Variants in UQCRB observed in about 807,000 individuals in gnomAD.
UQCRB encodes cytochrome b-c1 complex subunit 7.
A neutral mutation model predicts 19.8 loss-of-function variants in UQCRB; 12 were observed. The ratio of observed to expected loss-of-function variants is 0.61; its 90% CI spans 0.39 to 0.98. The LOEUF (loss-of-function observed/expected upper bound fraction) is 0.98, where lower values mean the gene tolerates loss of function less well. Among genes scored for constraint, UQCRB ranks in the 50% least tolerant of loss-of-function variants. The probability of loss-of-function intolerance (pLI) is 0.00; values close to 1 mark genes in which losing one functional copy is unlikely to be tolerated. For missense variants in UQCRB, 142 were observed against 131.8 expected, an observed-to-expected ratio of 1.08 and a Z score of -0.38; for synonymous variants, 39 against 42.9, an observed-to-expected ratio of 0.91 and a Z score of 0.35.
rs1374823719 is a variant in UQCRB, at chr8:96,229,394, C to T, written c.*1661G>A. 4.4e-6 allele frequency: 2 copies of T among 453,968 alleles called. No individual in the cohort carries two copies. Among genetic ancestry groups the T allele is most frequent in the Admixed American group, 4.7e-5 (2 of 42,556 alleles). 28.1% of individuals were successfully genotyped at this position (453,968 alleles called of 1,614,324 possible). The stretch of plus-strand genomic sequence containing the variant: ...TCTAGGGTCAGAGCCCAGCCTCCCT[C>T]CACCCACCCGGCTCCCTACACACCT... On this transcript the variant is annotated 3_prime_UTR_variant, in exon 4 of 4. Coordinates refer to ENST00000287022, the MANE Select transcript of UQCRB (RefSeq NM_006294.5).
chr8:96,233,105 AC>A, intron 2 of UQCRB, 50 bp downstream of exon 2: 1 of 1,568,120 alleles, frequency 6.4e-7, no homozygotes, highest in Non-Finnish European at 8.7e-7. Flanking sequence ...AAAAAAAAAA[AC>A]AAAGAAACAA....
In UQCRB at chr8:96,228,406, A is replaced by G. The variant is rs1563534738; in HGVS notation, c.*2649T>C. ...CTAATCAAAGCTGTCATGCAGATCC[A>G]GTTCCACTCTTCTCATCTCCAGCAG... On this transcript the variant is annotated 3_prime_UTR_variant, in exon 4 of 4. Transcript: ENST00000287022. 1 of 454,084 alleles carries G rather than the reference A, an allele frequency of 2.2e-6. No homozygotes were observed. Among genetic ancestry groups the G allele is most frequent in the East Asian group, 7.0e-5 (1 of 14,386 alleles). The allele number at this position is 454,084 out of a possible 1,614,324, so 28.1% of individuals were successfully genotyped here.
At position 96,227,480 on chromosome 8, in the gene UQCRB, T is replaced by G. The variant is rs1235813048; in HGVS notation, c.*3575A>C. On this transcript the variant is annotated 3_prime_UTR_variant, in exon 4 of 4. Coordinates refer to ENST00000287022, the MANE Select transcript of UQCRB (RefSeq NM_006294.5). ...TTTCCTTGTTTTCCAAAGAGCAACCTGTCTTACTCACTTTCTAACCATCCC... is the reference window on the plus strand; with the variant it reads ...TTTCCTTGTTTTCCAAAGAGCAACCGGTCTTACTCACTTTCTAACCATCCC... 2.2e-6 allele frequency: 1 copy of G among 454,154 alleles called. No homozygotes were observed. Among genetic ancestry groups the G allele is most frequent in the Admixed American group, 2.3e-5 (1 of 42,584 alleles). The allele number at this position is 454,154 out of a possible 1,614,324, so 28.1% of individuals were successfully genotyped here.
chr8:96,234,388 C>T, intron 1 of UQCRB: 1 of 638,038 alleles, frequency 1.6e-6, no homozygotes. Context: ...GATTTATTTA[C>T]ATGTCTGTTA....
At position 96,235,422 on chromosome 8, in the gene UQCRB, T is replaced by A. The variant is rs1481837757; in HGVS notation, c.19+90A>T. ...TCCCTTCCGCGACAAACTTGGCCAC[T>A]TACAAAGAAGAGAGAAAACGGAGCA... On this transcript the variant is annotated intron_variant, in intron 1 of 3. Coordinates refer to ENST00000287022, the MANE Select transcript of UQCRB (RefSeq NM_006294.5). The A allele has an allele frequency of 1.9e-6, 3 of 1,590,890 alleles. No individual in the cohort carries two copies. The East Asian group carries it at 6.7e-5, about 36-fold the overall frequency.
Position 96,223,843 on chromosome 8 carries a change from T to A in UQCRB, c.*7212A>T, listed in dbSNP as rs975028054. 1.3e-5 allele frequency among the ~76,000 whole-genome samples: 2 copies of A among 152,214 alleles called. No individual in the cohort carries two copies. The highest frequency in any genetic ancestry group is 4.8e-5 in the African/African-American group (2 of 41,454). ...CATCTTTTTAGCACTGGCATTTACC[T>A]GCATTAAATTGTGTAGAAGAGTAAG... On this transcript the variant is annotated 3_prime_UTR_variant, in exon 4 of 4. Transcript: ENST00000287022.
Position 96,231,784 on chromosome 8 carries a change from T to C in UQCRB, c.248A>G (p.Lys83Arg). The C allele has an allele frequency of 6.2e-7, 1 of 1,614,216 alleles. No homozygotes were observed. Among genetic ancestry groups the C allele is most frequent in the East Asian group, 2.2e-5 (1 of 44,878 alleles). The change falls in exon 3 of 4, where the codon AAA becomes AGA. Residue 83 changes from lysine to arginine, a missense_variant. Physicochemically the swap from Lys to Arg is conservative, Grantham distance 26 (BLOSUM62 2). Around this residue, in one of 2 missense-constraint regions of UQCRB, gnomAD observed 132 missense variants for 107.5 expected, o/e 1.23. Transcript: ENST00000287022. ...ATAAAGCTGTGCTACCTCTTCATAT[T>C]TGGTCCACTGCTCTTTAGGCAAGAT... ...HQILPKEQWT[K>R]YEEENFYLEP...
chr8:96,231,172 C>G, intron 3 of UQCRB, 40 bp from the exon 4 acceptor site: 1 of 1,614,110 alleles, frequency 6.2e-7, no homozygotes, highest in Non-Finnish European at 8.5e-7. Flanking sequence ...CCATCACGTA[C>G]TGATATATCC....
chr8:96,228,300 G>T lies in UQCRB; in HGVS notation c.*2755C>A. On this transcript the variant is annotated 3_prime_UTR_variant, in exon 4 of 4. Transcript: ENST00000287022. ...ATTTTAAACTGTACAAAGCAAATTA[G>T]CAGGATTTGAATATTGGCAGTTTTA... 2.2e-6 allele frequency: 1 copy of T among 454,062 alleles called. No homozygotes were observed. The allele number at this position is 454,062 out of a possible 1,614,324, so 28.1% of individuals were successfully genotyped here.
chr8:96,231,338 G>T (rs1159579173), intron 3 of UQCRB: 1 of 1,547,912 alleles, frequency 6.5e-7, no homozygotes, highest in Admixed American at 2.0e-5. Context: ...TTATGAGGGG[G>T]AAGTCTTTTC....
At position 96,231,121 on chromosome 8, in the gene UQCRB, G is replaced by T. The variant is rs1809661279; in HGVS notation, c.270C>A (p.Tyr90Ter). ...TAACCTCTTTCAGATACGGTTCAAG[G>T]TAGAAATTTTCCTAAAGAATGAATG... ...QWTKYEEENFYLEPYLKEVIR... is the reference protein window; with the variant it reads ...QWTKYEEENF Residue 90 changes from tyrosine (Y) to a stop codon, truncating the protein, a stop_gained, in exon 4 of 4, where the codon TAC (tyrosine) becomes TAA (stop). Transcript: ENST00000287022. LOFTEE classifies it high-confidence loss of function. 1 of 1,613,862 alleles carries T rather than the reference G, an allele frequency of 6.2e-7. No individual in the cohort carries two copies. Among genetic ancestry groups the T allele is most frequent in the Non-Finnish European group, 8.5e-7 (1 of 1,179,988 alleles).
Position 96,231,791 on chromosome 8 carries a change from A to G in UQCRB, c.241T>C (p.Trp81Arg). The G allele has an allele frequency of 6.2e-7, 1 of 1,614,202 alleles. No homozygotes were observed. Among genetic ancestry groups the G allele is most frequent in the Non-Finnish European group, 8.5e-7 (1 of 1,180,032 alleles). Reference protein sequence around the residue: ...LKHQILPKEQWTKYEEENFYL... With the variant: ...LKHQILPKEQRTKYEEENFYL... Reference sequence around the variant, plus strand: ...TGTGCTACCTCTTCATATTTGGTCCACTGCTCTTTAGGCAAGATCTGATGC... The same window carrying G: ...TGTGCTACCTCTTCATATTTGGTCCGCTGCTCTTTAGGCAAGATCTGATGC... Residue 81 changes from tryptophan to arginine, a missense_variant, in exon 3 of 4, where the codon TGG (tryptophan) becomes CGG (arginine). Physicochemically the swap from Trp to Arg is moderately radical, Grantham distance 101 (BLOSUM62 -3). Transcript: ENST00000287022.
chr8:96,229,332 C>A lies in UQCRB; in HGVS notation c.*1723G>T, dbSNP rs531111522. ...CCTGTCCTTCAGCAGTGCCCTTAGG[C>A]TTGCTTTAAACATTAACAGCATTCA... On this transcript the variant is annotated 3_prime_UTR_variant, in exon 4 of 4. Coordinates refer to ENST00000287022, the MANE Select transcript of UQCRB (RefSeq NM_006294.5). 6 of 454,116 alleles carry A rather than the reference C, an allele frequency of 1.3e-5. No individual in the cohort carries two copies. The highest frequency in any genetic ancestry group is 2.3e-5 in the Admixed American group (1 of 42,574). 28.1% of individuals were successfully genotyped at this position (454,116 alleles called of 1,614,324 possible).
chr8:96,232,169 C>T, intron 2 of UQCRB: 1 of 538,302 alleles, frequency 1.9e-6, no homozygotes, highest in Admixed American at 3.2e-5. Flanking sequence ...TAATGGGTTA[C>T]TTCTTGAACT....
intron 1 of UQCRB, 191 bp from the exon 2 acceptor site, chr8:96,233,418 C>T (rs1809723325): frequency 1.7e-6 from 1 of 582,918 alleles, no homozygotes; most frequent in Non-Finnish European, 3.0e-6. Flanking sequence ...AAAGTTTATA[C>T]TCTATAAAAT....
chr8:96,235,056 A>G (rs1809774689), intron 1 of UQCRB: 6 of 270,168 alleles, frequency 2.2e-5, no homozygotes, highest in South Asian at 1.9e-4. Flanking sequence ...TGCCTCAGTT[A>G]TCTTATCAGC....
At chr8:96,234,617 TC>T in intron 1 of UQCRB, 1 of 728,820 alleles carries the variant, frequency 1.4e-6, no homozygotes, top group Non-Finnish European at 2.1e-6. Context: ...AACGGATGTT[TC>T]TGGCAACCTG....
Position 96,226,698 on chromosome 8 carries a change from G to A in UQCRB, c.*4357C>T, listed in dbSNP as rs1472485897. Reference sequence around the variant, plus strand: ...GGATAATGTTACCAGAAGTTTTCAGGGGTTTATTTTAAAATTACATTTTTA... The same window carrying A: ...GGATAATGTTACCAGAAGTTTTCAGAGGTTTATTTTAAAATTACATTTTTA... On this transcript the variant is annotated 3_prime_UTR_variant, in exon 4 of 4. Coordinates refer to ENST00000287022, the MANE Select transcript of UQCRB (RefSeq NM_006294.5). The A allele has an allele frequency of 2.9e-6, 1 of 345,628 alleles. No individual in the cohort carries two copies. The highest frequency in any genetic ancestry group is 2.2e-5 in the African/African-American group (1 of 46,374). 21.4% of individuals were successfully genotyped at this position (345,628 alleles called of 1,614,324 possible).
At chr8:96,235,214 T>C in intron 1 of UQCRB, 2 of 561,392 alleles carry the variant, frequency 3.6e-6, no homozygotes, top group Middle Eastern at 4.7e-4. Context: ...CCCTTTAACT[T>C]TTCTAAGGCC....
Sources: allele counts gnomAD v4.1 joint callset (sites outside exome capture counted in the v4.1 genomes callset), GRCh38; gene constraint gnomAD v4.1.1; regional missense constraint gnomAD v4.1.1; transcripts MANE v1.5; gene names NCBI Gene and HGNC (gene_info 2026-07-23, HGNC 2026-07-21).